AKAP9: variants seen among roughly 807,000 people sequenced by gnomAD.
AKAP9 encodes the protein A-kinase anchor protein 9.
AKAP9 carries 311 observed loss-of-function variants against 488.5 expected under a neutral mutation model. That is an observed-to-expected ratio of 0.64 (90% confidence interval 0.58 to 0.70). AKAP9 has a LOEUF of 0.70. Ranked by LOEUF, AKAP9 falls within the 30% of genes least tolerant of loss-of-function variation. The probability of loss-of-function intolerance (pLI) is 0.00; values close to 1 mark genes in which losing one functional copy is unlikely to be tolerated. For missense variants in AKAP9, 4,215 were observed against 4,374.5 expected, an observed-to-expected ratio of 0.96 and a Z score of 1.03; for synonymous variants, 1,462 against 1,483.5, an observed-to-expected ratio of 0.99 and a Z score of 0.33.
chr7:92,108,444 A>G, intron 48 of AKAP9, 50 bp from the exon 49 acceptor site: 1 of 1,602,072 alleles, frequency 6.2e-7, no homozygotes, highest in Non-Finnish European at 8.5e-7. Flanking sequence ...GGTAACTTAT[A>G]TGCATATTTC....
Position 91,942,638 on chromosome 7 carries a change from T to A in AKAP9, c.48+1491T>A, listed in dbSNP as rs1790916430. 2.6e-5 allele frequency among the ~76,000 whole-genome samples: 4 copies of A among 152,332 alleles called. 1 individual carries two copies. Reference sequence around the variant, plus strand: ...TGCCTGCCCCCAGAAATGTCTTTCCTGAATATATGTGAAGCAGTCCTACAA... The same window carrying A: ...TGCCTGCCCCCAGAAATGTCTTTCCAGAATATATGTGAAGCAGTCCTACAA... On this transcript the variant is annotated intron_variant, in intron 1 of 49. Coordinates refer to ENST00000356239, the MANE Select transcript of AKAP9 (RefSeq NM_005751.5).
rs571636579 is a variant in AKAP9, at chr7:91,968,237, C to G, written c.49-5474C>G. 7.2e-5 allele frequency among the ~76,000 whole-genome samples: 11 copies of G among 152,316 alleles called. No homozygotes were observed. In the South Asian group the frequency reaches 1.9e-3, roughly 26 times the overall value. On this transcript the variant is annotated intron_variant, in intron 1 of 49. Transcript: ENST00000356239. The stretch of plus-strand genomic sequence containing the variant: ...GAGATTACAGGTGTGAGCCACCGCT[C>G]CCAGCTTGATGAGAGACTTTTTATT...
intron 22 of AKAP9, 63 bp downstream of exon 22, chr7:92,053,021 C>T (rs963480806): frequency 1.5e-6 from 2 of 1,348,786 alleles, no homozygotes; most frequent in Non-Finnish European, 1.1e-6. Flanking sequence ...CCCACTCTCT[C>T]GACTGAGCTA....
intron 1 of AKAP9, among the ~76,000 whole-genome samples, chr7:91,971,910 G>A (rs1161057414): frequency 1.3e-5 from 2 of 148,400 alleles, no homozygotes; most frequent in Non-Finnish European, 3.0e-5. Context: ...ATTTATTCTA[G>A]TCTTCTCTGT....
chr7:92,034,358 G>A (rs1804800619), intron 16 of AKAP9, among the ~76,000 whole-genome samples: 1 of 151,846 alleles, frequency 6.6e-6, no homozygotes. Flanking sequence ...GTGAAATCCT[G>A]GCACAGATTT....
intron 21 of AKAP9, among the ~76,000 whole-genome samples, chr7:92,045,830 CTTTTT>C (rs35346628): frequency 1.8e-5 from 2 of 108,912 alleles, no homozygotes; most frequent in South Asian, 3.1e-4. Context: ...CTTTCCGTTT[CTTTTT>C]TTTTTTTTTT....
At chr7:92,022,458 A>G in intron 13 of AKAP9, 106 bp downstream of exon 13, 1 of 789,974 alleles carries the variant, frequency 1.3e-6, no homozygotes, top group Non-Finnish European at 2.2e-6. Context: ...TTGGCATTTC[A>G]CTGTAGCCTC....
intron 1 of AKAP9, among the ~76,000 whole-genome samples, chr7:91,946,048 A>G (rs80082886): frequency 0.011 from 1,604 of 152,324 alleles, 25 homozygotes; most frequent in African/African-American, 0.037. Context: ...TTGTTTAACA[A>G]ACATTTTCAG....
In AKAP9 at chr7:92,069,973, A is replaced by G. The variant is rs569089883; in HGVS notation, c.6331-57A>G. 204 of 1,499,542 alleles carry G rather than the reference A, an allele frequency of 1.4e-4. 1 individual carries two copies. The East Asian group carries it at 4.4e-3, about 32-fold the overall frequency. 92.9% of individuals were successfully genotyped at this position (1,499,542 alleles called of 1,614,324 possible). A position where few individuals can be genotyped will look rare whatever the true frequency, so the allele number is the denominator to read the frequency against. On this transcript the variant is annotated intron_variant, in intron 26 of 49. Coordinates refer to ENST00000356239, the MANE Select transcript of AKAP9 (RefSeq NM_005751.5). ...CAAAATGAGGGATAACTCAACCTAT[A>G]CTAACTAGCTTGCTGAAATTTTTTT...
Position 92,079,131 on chromosome 7 carries a change from GT to G in AKAP9, c.7001del (p.Leu2334Ter). On this transcript the variant is annotated frameshift_variant, in exon 31 of 50. Coordinates refer to ENST00000356239, the MANE Select transcript of AKAP9 (RefSeq NM_005751.5). LOFTEE classifies it high-confidence loss of function. ...AGGGATCTTGAAACCCAAATAGAAT[GT>G]TTGATGAGTGATCAAGAATGTGTGA... ...LIRDLETQIE[C>X]LMSDQECVKR... 11 of 1,613,560 alleles carry G rather than the reference GT, an allele frequency of 6.8e-6. No individual in the cohort carries two copies. The highest frequency in any genetic ancestry group is 9.3e-6 in the Non-Finnish European group (11 of 1,179,758).
At chr7:92,031,304 T>G (rs1183466631) in intron 15 of AKAP9, among the ~76,000 whole-genome samples, 1 of 152,190 alleles carries the variant, frequency 6.6e-6, no homozygotes, top group Non-Finnish European at 1.5e-5. Context: ...CTTTGCATCT[T>G]TAAGTTCACG....
intron 1 of AKAP9, among the ~76,000 whole-genome samples, chr7:91,972,682 A>G (rs997889093): frequency 6.6e-6 from 1 of 152,166 alleles, no homozygotes; most frequent in African/African-American, 2.4e-5. Context: ...CTGTGCCACC[A>G]TTTTGGAGCT....
intron 45 of AKAP9, among the ~76,000 whole-genome samples, chr7:92,101,646 C>T (rs1489629452): frequency 6.6e-6 from 1 of 152,120 alleles, no homozygotes; most frequent in Admixed American, 6.6e-5. Context: ...AGAATGGTAT[C>T]TTTTCAACTC....
At chr7:92,039,998 A>G (rs987333204) in intron 17 of AKAP9, among the ~76,000 whole-genome samples, 16 of 151,956 alleles carry the variant, frequency 1.1e-4, no homozygotes, top group African/African-American at 3.1e-4. Context: ...AAAATTGCCA[A>G]CTCTTTATGG....
chr7:91,949,801 C>G (rs1468798812), intron 1 of AKAP9, among the ~76,000 whole-genome samples: 3 of 152,030 alleles, frequency 2.0e-5, no homozygotes, highest in Admixed American at 1.3e-4. Flanking sequence ...TTTATAGATT[C>G]TTTTGTAATA....
chr7:92,044,846 C>T lies in AKAP9; in HGVS notation c.5163-162C>T, dbSNP rs531681686. 7.3e-5 allele frequency among the ~76,000 whole-genome samples: 11 copies of T among 149,762 alleles called. No homozygotes were observed. In the South Asian group the frequency reaches 2.1e-3, roughly 29 times the overall value. The stretch of plus-strand genomic sequence containing the variant: ...TTATAATATAGTTACAAATAAAAAA[C>T]AAGAAGCACTTTATTGTAGATGCTA... On this transcript the variant is annotated intron_variant, in intron 20 of 49. Transcript: ENST00000356239.
At chr7:92,035,134 C>T (rs79442017) in intron 16 of AKAP9, among the ~76,000 whole-genome samples, 110 of 152,318 alleles carry the variant, frequency 7.2e-4, no homozygotes, top group African/African-American at 2.4e-3. Context: ...AATGCTTCCT[C>T]GTAAGCAATG....
chr7:91,941,072 G>C lies in AKAP9; in HGVS notation c.-28G>C, dbSNP rs1342263035. ...TATCCCCAACCACCCCTCAACCCCT[G>C]TTTTCCCCTGCCTTCCTTGCAGAGG... On this transcript the variant is annotated 5_prime_UTR_variant, in exon 1 of 50. Coordinates refer to ENST00000356239, the MANE Select transcript of AKAP9 (RefSeq NM_005751.5). The C allele has an allele frequency of 1.2e-6, 2 of 1,610,606 alleles. No homozygotes were observed. The highest frequency in any genetic ancestry group is 1.7e-6 in the Non-Finnish European group (2 of 1,176,884).
chr7:92,093,293 C>G lies in AKAP9; in HGVS notation c.9555C>G (p.His3185Gln). The G allele has an allele frequency of 9.9e-6, 16 of 1,613,930 alleles. No individual in the cohort carries two copies. The highest frequency in any genetic ancestry group is 1.4e-5 in the Non-Finnish European group (16 of 1,180,010). ...LETTLKAQHK[H>Q]LKELEAFRLE... is the part of the protein sequence containing the mutation. ...CAACACTCAAGGCACAGCATAAACA[C>G]CTAAAAGAATTGGAGGCTTTCAGGT... is the stretch of plus-strand genomic sequence containing the variant. The change falls in exon 39 of 50, where the codon CAC (histidine) becomes CAG (glutamine). Residue 3185 changes from histidine to glutamine, a missense_variant. Transcript: ENST00000356239.
Sources: allele counts gnomAD v4.1 joint callset (sites outside exome capture counted in the v4.1 genomes callset), GRCh38; gene constraint gnomAD v4.1.1; transcripts MANE v1.5; gene names NCBI Gene and HGNC (gene_info 2026-07-23, HGNC 2026-07-21).